PTPRD: variants seen among roughly 807,000 people sequenced by gnomAD.
PTPRD encodes receptor-type tyrosine-protein phosphatase delta.
In PTPRD, 34 loss-of-function variants were observed where a neutral mutation model predicts 214.5. That is an observed-to-expected ratio of 0.16 (90% CI 0.12 to 0.21). The LOEUF (loss-of-function observed/expected upper bound fraction) is 0.21, where lower values mean the gene tolerates loss of function less well. PTPRD is among the 10% of genes least tolerant of loss of function. The pLI is 1.00. For missense variants in PTPRD, 2,545 were observed against 2,398.7 expected (o/e 1.06, Z -1.27); for synonymous variants, 1,128 against 845.7 (o/e 1.33, Z -5.79).
chr9:10,296,903 AG>A (rs1158558901), intron 3 of PTPRD, among the ~76,000 whole-genome samples: 3 of 151,820 alleles, frequency 2.0e-5, no homozygotes, highest in Non-Finnish European at 4.4e-5. Flanking sequence ...TGAATTCACT[AG>A]ATTTATTGAT....
intron 3 of PTPRD, among the ~76,000 whole-genome samples, chr9:10,260,978 GTATATATATGTATATATATGTGTA>G (rs2093653975): frequency 6.8e-6 from 1 of 146,462 alleles, no homozygotes; most frequent in Non-Finnish European, 1.5e-5. Context: ...ATATATGTGT[GTATATATATGTATATATATGTGTA>G]TATATGTATA....
intron 3 of PTPRD, among the ~76,000 whole-genome samples, chr9:10,317,048 T>G (rs947178046): frequency 6.6e-6 from 1 of 152,126 alleles, no homozygotes; most frequent in Non-Finnish European, 1.5e-5. Context: ...ATTAGTTTGC[T>G]AATACATTGT....
At chr9:8,430,870 C>G (rs2095000224) in intron 35 of PTPRD, among the ~76,000 whole-genome samples, 1 of 152,120 alleles carries the variant, frequency 6.6e-6, no homozygotes, top group Non-Finnish European at 1.5e-5. Context: ...TACTGAATCC[C>G]AATAACATTC....
chr9:8,891,644 C>T (rs1396467750), intron 11 of PTPRD, among the ~76,000 whole-genome samples: 1 of 152,076 alleles, frequency 6.6e-6, no homozygotes, highest in African/African-American at 2.4e-5. Context: ...ATTCTTCTCC[C>T]TGCAATGGAC....
At chr9:8,803,719 G>C (rs561514889) in intron 11 of PTPRD, among the ~76,000 whole-genome samples, 1 of 151,098 alleles carries the variant, frequency 6.6e-6, no homozygotes, top group East Asian at 2.0e-4. Context: ...GGGTGACAGA[G>C]TGATACCCTG....
chr9:9,421,891 G>C (rs10759068), intron 8 of PTPRD, among the ~76,000 whole-genome samples: 1 of 151,742 alleles, frequency 6.6e-6, no homozygotes, highest in Non-Finnish European at 1.5e-5. Flanking sequence ...GATGGGAAAT[G>C]AAAGTCTGAT....
intron 14 of PTPRD, among the ~76,000 whole-genome samples, chr9:8,588,922 G>A (rs1244711908): frequency 6.6e-6 from 1 of 151,772 alleles, no homozygotes; most frequent in African/African-American, 2.4e-5. Context: ...CCTGAATCAG[G>A]CTTTCCACCG....
At chr9:9,201,997 T>G (rs762701663) in intron 9 of PTPRD, among the ~76,000 whole-genome samples, 11 of 152,194 alleles carry the variant, frequency 7.2e-5, no homozygotes, top group Non-Finnish European at 1.2e-4. Flanking sequence ...CTAATAAAGA[T>G]GGACACGAAC....
At chr9:9,416,656 A>C (rs957836543) in intron 8 of PTPRD, among the ~76,000 whole-genome samples, 17 of 152,084 alleles carry the variant, frequency 1.1e-4, no homozygotes, top group African/African-American at 3.9e-4. Flanking sequence ...CAGGACTTTA[A>C]CATGCTCTGC....
chr9:10,049,581 G>A (rs936967810), intron 3 of PTPRD, among the ~76,000 whole-genome samples: 3 of 152,070 alleles, frequency 2.0e-5, no homozygotes, highest in Non-Finnish European at 2.9e-5. Context: ...AAGTTATAAG[G>A]GAATCTTTTG....
chr9:8,842,335 A>G (rs1566539112), intron 11 of PTPRD, among the ~76,000 whole-genome samples: 1 of 47,694 alleles, frequency 2.1e-5, no homozygotes. Flanking sequence ...TATCAGCAAC[A>G]TATTTTTTTT....
intron 10 of PTPRD, among the ~76,000 whole-genome samples, chr9:9,163,008 C>G (rs1411811072): frequency 6.6e-6 from 1 of 151,962 alleles, no homozygotes; most frequent in East Asian, 1.9e-4. Flanking sequence ...TTCTGGTGTG[C>G]CTCCTTCCGC....
chr9:9,741,726 T>C (rs777350614), intron 6 of PTPRD, among the ~76,000 whole-genome samples: 1 of 152,186 alleles, frequency 6.6e-6, no homozygotes, highest in Non-Finnish European at 1.5e-5. Context: ...TTTTCCTGTG[T>C]TAGTTTGCTG....
intron 9 of PTPRD, among the ~76,000 whole-genome samples, chr9:9,242,795 T>A (rs2099971030): frequency 6.6e-6 from 1 of 152,144 alleles, no homozygotes; most frequent in African/African-American, 2.4e-5. Context: ...AACTCCTCCC[T>A]TAGCTCTGAG....
intron 8 of PTPRD, among the ~76,000 whole-genome samples, chr9:9,420,024 G>C (rs965559567): frequency 2.0e-5 from 3 of 151,418 alleles, no homozygotes; most frequent in African/African-American, 7.3e-5. Flanking sequence ...CCAGGTTACA[G>C]AAAAAATATA....
At chr9:10,414,127 C>T (rs1338900431) in intron 2 of PTPRD, among the ~76,000 whole-genome samples, 2 of 151,838 alleles carry the variant, frequency 1.3e-5, no homozygotes, top group Non-Finnish European at 2.9e-5. Flanking sequence ...AACTTAAGAG[C>T]TTGGGCACAG....
chr9:9,952,329 T>C (rs892281476), intron 4 of PTPRD, among the ~76,000 whole-genome samples: 2 of 152,132 alleles, frequency 1.3e-5, no homozygotes, highest in African/African-American at 2.4e-5. Flanking sequence ...AGAAGGTGTA[T>C]ATAAAAGATG....
At chr9:8,859,614 G>C (rs1566675357) in intron 11 of PTPRD, among the ~76,000 whole-genome samples, 1 of 152,158 alleles carries the variant, frequency 6.6e-6, no homozygotes, top group Non-Finnish European at 1.5e-5. Context: ...GACACCCTTA[G>C]ATTTGACTTA....
intron 5 of PTPRD, among the ~76,000 whole-genome samples, chr9:9,838,747 C>T (rs2153629281): frequency 6.6e-6 from 1 of 152,238 alleles, no homozygotes; most frequent in East Asian, 1.9e-4. Context: ...GTTTCTTTTG[C>T]TGTGCAGAAA....
Sources: allele counts gnomAD v4.1 joint callset (sites outside exome capture counted in the v4.1 genomes callset), GRCh38; gene constraint gnomAD v4.1.1; transcripts MANE v1.5; gene names NCBI Gene and HGNC (gene_info 2026-07-23, HGNC 2026-07-21).